POFUT3: variants seen among roughly 807,000 people sequenced by gnomAD.
The protein encoded by POFUT3 is protein O-fucosyltransferase 3.
the POFUT3 span, chr8:33,455,722 T>C: frequency 2.1e-5 from 9 of 438,528 alleles, no homozygotes; most frequent in South Asian, 1.5e-4. Context: ...ATGGAGGCCA[T>C]TCCCTGTGCA....
the POFUT3 span, among the ~76,000 whole-genome samples, chr8:33,449,956 G>C: frequency 3.8e-5 from 1 of 26,156 alleles, no homozygotes; most frequent in African/African-American, 1.5e-4. Context: ...TTTTTTTTTT[G>C]AGACAGGGTC....
the POFUT3 span, among the ~76,000 whole-genome samples, chr8:33,464,994 T>C: frequency 6.6e-6 from 1 of 152,170 alleles, no homozygotes; most frequent in Non-Finnish European, 1.5e-5. Flanking sequence ...ACACACAACA[T>C]GGAGCTAGCA....
chr8:33,355,987 T>C, the POFUT3 span, among the ~76,000 whole-genome samples: 5 of 152,054 alleles, frequency 3.3e-5, no homozygotes, highest in African/African-American at 9.7e-5. Context: ...CATGTCCCTA[T>C]AAAGGACATG....
chr8:33,462,042 C>T, the POFUT3 span, among the ~76,000 whole-genome samples: 2 of 135,386 alleles, frequency 1.5e-5, no homozygotes, highest in Admixed American at 7.8e-5. Flanking sequence ...CACCCGTAGT[C>T]ACAGCTACTC....
At chr8:33,326,301 A>C in the POFUT3 span, among the ~76,000 whole-genome samples, 1 of 152,160 alleles carries the variant, frequency 6.6e-6, no homozygotes, top group Admixed American at 6.6e-5. Context: ...CTGGGGCTCC[A>C]GCATGGCCCT....
the POFUT3 span, among the ~76,000 whole-genome samples, chr8:33,368,377 G>A: frequency 6.6e-6 from 1 of 152,158 alleles, no homozygotes; most frequent in Non-Finnish European, 1.5e-5. Flanking sequence ...CAATGGTGTT[G>A]CTAAATTAAT....
the POFUT3 span, among the ~76,000 whole-genome samples, chr8:33,375,142 TCAGCCTCC>T: frequency 6.6e-6 from 1 of 152,120 alleles, no homozygotes; most frequent in Non-Finnish European, 1.5e-5. Context: ...TCCACCTGCC[TCAGCCTCC>T]CAAAGTGCTG....
At chr8:33,416,604 G>A in the POFUT3 span, among the ~76,000 whole-genome samples, 1 of 152,098 alleles carries the variant, frequency 6.6e-6, no homozygotes, top group Non-Finnish European at 1.5e-5. Flanking sequence ...CCAGCACTTT[G>A]AGAGGCCAAA....
chr8:33,368,928 A>G, the POFUT3 span, among the ~76,000 whole-genome samples: 5 of 152,216 alleles, frequency 3.3e-5, no homozygotes, highest in Admixed American at 2.6e-4. Flanking sequence ...TAATACCATC[A>G]TAATATCAAA....
the POFUT3 span, among the ~76,000 whole-genome samples, chr8:33,428,834 T>C: frequency 3.9e-5 from 6 of 152,222 alleles, no homozygotes; most frequent in Non-Finnish European, 5.9e-5. Flanking sequence ...CGCCAAGTGA[T>C]GATCCCTCCA....
At chr8:33,411,430 A>G in the POFUT3 span, among the ~76,000 whole-genome samples, 2 of 152,242 alleles carry the variant, frequency 1.3e-5, no homozygotes, top group African/African-American at 4.8e-5. Flanking sequence ...GGAAAAATAC[A>G]TGGCACCATT....
the POFUT3 span, among the ~76,000 whole-genome samples, chr8:33,407,965 G>A: frequency 1.4e-5 from 2 of 144,130 alleles, no homozygotes; most frequent in African/African-American, 2.6e-5. Context: ...TCCATCCTGG[G>A]CAACAGAGCG....
chr8:33,418,494 G>C, the POFUT3 span, among the ~76,000 whole-genome samples: 2 of 150,940 alleles, frequency 1.3e-5, no homozygotes, highest in Non-Finnish European at 1.5e-5. Context: ...GTAGAGACAG[G>C]GTTTCACCAC....
At chr8:33,309,883 T>A in the POFUT3 span, among the ~76,000 whole-genome samples, 1 of 152,272 alleles carries the variant, frequency 6.6e-6, no homozygotes, top group African/African-American at 2.4e-5. Flanking sequence ...CTTCTTTCCA[T>A]CACCATGGTT....
the POFUT3 span, among the ~76,000 whole-genome samples, chr8:33,365,309 GA>G: frequency 6.6e-6 from 1 of 152,020 alleles, no homozygotes; most frequent in Non-Finnish European, 1.5e-5. Context: ...AAAAACCCTA[GA>G]AAAAAACCTA....
At chr8:33,431,439 T>C in the POFUT3 span, among the ~76,000 whole-genome samples, 1 of 150,272 alleles carries the variant, frequency 6.7e-6, no homozygotes, top group African/African-American at 2.4e-5. Context: ...TCCCAGCTAC[T>C]TGGGAGGTTG....
chr8:33,346,419 A>T, the POFUT3 span, among the ~76,000 whole-genome samples: 1 of 152,194 alleles, frequency 6.6e-6, no homozygotes, highest in Non-Finnish European at 1.5e-5. Flanking sequence ...AGATAACATG[A>T]AAAATATACC....
At chr8:33,321,738 T>G in the POFUT3 span, among the ~76,000 whole-genome samples, 2 of 152,102 alleles carry the variant, frequency 1.3e-5, no homozygotes, top group Non-Finnish European at 2.9e-5. Flanking sequence ...AACTAACAAG[T>G]ATTCCTTATT....
chr8:33,352,543 A>G, the POFUT3 span, among the ~76,000 whole-genome samples: 2 of 151,576 alleles, frequency 1.3e-5, no homozygotes, highest in Admixed American at 6.6e-5. Flanking sequence ...ATGAACCCAC[A>G]TAAGTGTATT....
Sources: allele counts gnomAD v4.1 joint callset (sites outside exome capture counted in the v4.1 genomes callset), GRCh38; gene constraint gnomAD v4.1.1; transcripts MANE v1.5; gene names NCBI Gene and HGNC (gene_info 2026-07-23, HGNC 2026-07-21).